Variants in CAV1 observed in about 807,000 individuals in gnomAD.
CAV1 encodes the protein caveolin-1.
Under a neutral mutation model 16.5 loss-of-function variants are expected in CAV1, and 10 were observed. The ratio of observed to expected loss-of-function variants is 0.61; its 90% CI spans 0.37 to 1.03. The LOEUF (loss-of-function observed/expected upper bound fraction) is 1.03. Ranked by LOEUF, CAV1 falls within the 50% of genes least tolerant of loss-of-function variation. The pLI is 0.01. For missense variants in CAV1, 212 were observed against 232.8 expected, an observed-to-expected ratio of 0.91 and a Z score of 0.58; for synonymous variants, 76 against 85.1, an observed-to-expected ratio of 0.89 and a Z score of 0.59.
chr7:116,526,852 C>A, intron 2 of CAV1, 163 bp downstream of exon 2: 1 of 754,684 alleles, frequency 1.3e-6, no homozygotes. Flanking sequence ...TGTGGGAGCT[C>A]CCGCAGTCGG....
At chr7:116,541,878 T>C (rs1307658341) in intron 2 of CAV1, among the ~76,000 whole-genome samples, 1 of 152,212 alleles carries the variant, frequency 6.6e-6, no homozygotes, top group Non-Finnish European at 1.5e-5. Context: ...AATTCCTTAT[T>C]TGTCTATATA....
At chr7:116,551,332 T>C (rs893004682) in intron 2 of CAV1, among the ~76,000 whole-genome samples, 5 of 152,226 alleles carry the variant, frequency 3.3e-5, no homozygotes, top group Non-Finnish European at 7.3e-5. Context: ...CCTTGGTGCA[T>C]ACCTGGGTAT....
chr7:116,547,880 A>T (rs1794085794), intron 2 of CAV1, among the ~76,000 whole-genome samples: 1 of 152,180 alleles, frequency 6.6e-6, no homozygotes, highest in Non-Finnish European at 1.5e-5. Context: ...CAGATAAGAA[A>T]CTTAGGCACA....
intron 2 of CAV1, among the ~76,000 whole-genome samples, chr7:116,547,919 C>G (rs556721960): frequency 6.6e-6 from 1 of 152,294 alleles, no homozygotes; most frequent in East Asian, 1.9e-4. Context: ...GATGAGATAA[C>G]CCTGATGAGC....
At chr7:116,555,394 A>G (rs868448547) in intron 2 of CAV1, among the ~76,000 whole-genome samples, 4 of 149,930 alleles carry the variant, frequency 2.7e-5, no homozygotes, top group Admixed American at 6.7e-5. Flanking sequence ...GGCAGTGATC[A>G]TGCCGCTGCA....
intron 2 of CAV1, among the ~76,000 whole-genome samples, chr7:116,532,535 C>T (rs991259430): frequency 2.0e-5 from 3 of 152,220 alleles, no homozygotes; most frequent in Non-Finnish European, 4.4e-5. Context: ...TCTTCTTCCA[C>T]ACCCTGGAGA....
Position 116,560,063 on chromosome 7 carries a change from TTTC to T in CAV1, c.*778_*780del. 1 of 378,066 alleles carries T rather than the reference TTTC, an allele frequency of 2.6e-6. No homozygotes were observed. Among genetic ancestry groups the T allele is most frequent in the Non-Finnish European group, 4.7e-6 (1 of 213,168 alleles). 23.4% of individuals were successfully genotyped at this position (378,066 alleles called of 1,614,324 possible). On this transcript the variant is annotated 3_prime_UTR_variant, in exon 3 of 3. Coordinates refer to ENST00000341049, the MANE Select transcript of CAV1 (RefSeq NM_001753.5). The stretch of plus-strand genomic sequence containing the variant: ...TCCATGACCTAGTTTTCCATGCGTG[TTTC>T]TGACTCTGAGCTACAGAGTCTGGTG...
intron 2 of CAV1, among the ~76,000 whole-genome samples, chr7:116,555,518 A>AAGAAAGAAAGAGAG (rs1554357869): frequency 1.4e-4 from 2 of 14,052 alleles, no homozygotes; most frequent in African/African-American, 4.8e-4. Context: ...GAAAGAAAGA[A>AAGAAAGAAAGAGAG]AGAGAGAGAG....
chr7:116,528,541 G>T (rs1224700861), intron 2 of CAV1, among the ~76,000 whole-genome samples: 1 of 152,104 alleles, frequency 6.6e-6, no homozygotes, highest in Non-Finnish European at 1.5e-5. Context: ...AAAGAATTTG[G>T]CAGTCTCACT....
Position 116,558,943 on chromosome 7 carries a change from T to G in CAV1, c.196-3T>G. 6.2e-7 allele frequency: 1 copy of G among 1,610,352 alleles called. No homozygotes were observed. Among genetic ancestry groups the G allele is most frequent in the Non-Finnish European group, 8.5e-7 (1 of 1,176,972 alleles). Reference sequence around the variant, plus strand: ...CTCATGTTGTGTCACTTCTTCCTTTTAGATTGACTTTGAAGATGTGATTGC... The same window carrying G: ...CTCATGTTGTGTCACTTCTTCCTTTGAGATTGACTTTGAAGATGTGATTGC... On this transcript the variant is annotated splice_polypyrimidine_tract_variant and splice_region_variant and intron_variant, in intron 2 of 2. Transcript: ENST00000341049.
At chr7:116,532,357 T>C (rs2115961356) in intron 2 of CAV1, among the ~76,000 whole-genome samples, 1 of 152,332 alleles carries the variant, frequency 6.6e-6, no homozygotes, top group Middle Eastern at 3.4e-3. Context: ...TGCCCTACTT[T>C]TAAACATAAC....
At chr7:116,528,852 C>T (rs752082284) in intron 2 of CAV1, among the ~76,000 whole-genome samples, 22 of 151,704 alleles carry the variant, frequency 1.5e-4, no homozygotes, top group Admixed American at 5.9e-4. Flanking sequence ...TTTTTTGAGA[C>T]GGAGTCTCAC....
At chr7:116,539,110 G>A (rs527968476) in intron 2 of CAV1, among the ~76,000 whole-genome samples, 8 of 152,234 alleles carry the variant, frequency 5.3e-5, no homozygotes, top group East Asian at 1.9e-4. Flanking sequence ...GAGTCCTGCC[G>A]TACCACAGCC....
intron 1 of CAV1, 48 bp from the exon 2 acceptor site, chr7:116,526,477 C>A (rs766904096): frequency 4.3e-6 from 7 of 1,612,560 alleles, no homozygotes; most frequent in Non-Finnish European, 5.1e-6. Context: ...CCTCCCACCG[C>A]CGTTGCCGCC....
Position 116,559,764 on chromosome 7 carries a change from G to T in CAV1, c.*477G>T. ...AGCAAACTCTTTTCCCACTGTTTAAGGAGTTAGTGGATTACTGCCATTCAC... is the reference window on the plus strand; with the variant it reads ...AGCAAACTCTTTTCCCACTGTTTAATGAGTTAGTGGATTACTGCCATTCAC... On this transcript the variant is annotated 3_prime_UTR_variant, in exon 3 of 3. Coordinates refer to ENST00000341049, the MANE Select transcript of CAV1 (RefSeq NM_001753.5). 2.4e-6 allele frequency: 1 copy of T among 423,980 alleles called. No individual in the cohort carries two copies. Among genetic ancestry groups the T allele is most frequent in the Non-Finnish European group, 4.1e-6 (1 of 241,930 alleles). The allele number at this position is 423,980 out of a possible 1,614,324, so 26.3% of individuals were successfully genotyped here.
In CAV1 at chr7:116,536,941, T is replaced by G. The variant is rs562337644; in HGVS notation, c.195+10252T>G. ...TGGCGTGAACCCAGGAAGCGGAGCT[T>G]GCAGTGAGCCGAGATTGCGCCATTG... On this transcript the variant is annotated intron_variant, in intron 2 of 2. Transcript: ENST00000341049. Among the ~76,000 whole-genome samples, 1,062 of 139,270 alleles carry G rather than the reference T, an allele frequency of 7.6e-3. 8 individuals are homozygous for G. Among genetic ancestry groups the G allele is most frequent in the Middle Eastern group, 0.033 (8 of 246 alleles). 91.4% of individuals were successfully genotyped at this position (139,270 alleles called of 152,430 possible).
chr7:116,526,134 C>A (rs887692612), intron 1 of CAV1: 11 of 312,622 alleles, frequency 3.5e-5, no homozygotes, highest in Non-Finnish European at 4.2e-5. Flanking sequence ...CTTAGGGAGT[C>A]CGGGAGAAGC....
At chr7:116,525,442 G>C in intron 1 of CAV1, 2 of 1,400,516 alleles carry the variant, frequency 1.4e-6, no homozygotes, top group East Asian at 6.1e-5. Flanking sequence ...GGCCCTGCCT[G>C]CTGGGGGTTC....
At position 116,540,946 on chromosome 7, in the gene CAV1, A is replaced by G. The variant is rs1240151567; in HGVS notation, c.195+14257A>G. ...ATAATTCCACAGTTCCAAGGGGCCA[A>G]GGTCTCCAGGTTGAGTCACTATTGT... is the stretch of plus-strand genomic sequence containing the variant. On this transcript the variant is annotated intron_variant, in intron 2 of 2. Coordinates refer to ENST00000341049, the MANE Select transcript of CAV1 (RefSeq NM_001753.5). 2.0e-5 allele frequency among the ~76,000 whole-genome samples: 3 copies of G among 152,192 alleles called. No homozygotes were observed. In the East Asian group the frequency reaches 5.8e-4, roughly 29 times the overall value.
Sources: gnomAD v4.1 joint callset for allele counts (sites outside exome capture counted in the v4.1 genomes callset) on GRCh38, gnomAD v4.1.1 for gene constraint, MANE v1.5 for transcripts, NCBI Gene and HGNC (gene_info 2026-07-23, HGNC 2026-07-21) for gene names.